Variants in CDH12 observed in about 807,000 individuals in gnomAD.
The protein encoded by CDH12 is cadherin-12.
Under a neutral mutation model 74.1 loss-of-function variants are expected in CDH12, and 41 were observed. The ratio of observed to expected loss-of-function variants is 0.55; its 90% CI spans 0.43 to 0.72. The LOEUF (loss-of-function observed/expected upper bound fraction) is 0.72. Among genes scored for constraint, CDH12 ranks in the 30% least tolerant of loss-of-function variants. The pLI, the probability that CDH12 is intolerant of heterozygous loss-of-function variation, is 0.00. For missense variants in CDH12, 945 were observed against 977.2 expected (o/e 0.97, Z 0.44); for synonymous variants, 399 against 355.0 (o/e 1.12, Z -1.39).
Position 22,009,939 on chromosome 5 carries a change from C to CAAAAA in CDH12, c.232-34559_232-34555dup, listed in dbSNP as rs774589642. Among the ~76,000 whole-genome samples the CAAAAA allele has an allele frequency of 5.5e-3, 298 of 54,288 alleles. 2 individuals carry two copies. Among genetic ancestry groups the CAAAAA allele is most frequent in the African/African-American group, 0.015 (263 of 17,806 alleles). The allele number at this position is 54,288 out of a possible 152,430, so 35.6% of individuals were successfully genotyped here. On this transcript the variant is annotated intron_variant, in intron 5 of 14. Transcript: ENST00000382254. The stretch of plus-strand genomic sequence containing the variant: ...GTTGCAGTGAGCCAAGAAACTGTCT[C>CAAAAA]AAAAAAAAAAAAAAAAAAAAGAAAA...
chr5:21,785,462 C>G (rs1025348805), intron 10 of CDH12, among the ~76,000 whole-genome samples: 2 of 152,188 alleles, frequency 1.3e-5, no homozygotes, highest in South Asian at 2.1e-4. Flanking sequence ...AGCTAGGCCT[C>G]TCATGCCAAA....
At chr5:22,705,836 T>C (rs1051961353) in intron 1 of CDH12, among the ~76,000 whole-genome samples, 7 of 152,092 alleles carry the variant, frequency 4.6e-5, no homozygotes, top group African/African-American at 9.6e-5. Flanking sequence ...CTAAAAATGA[T>C]GATGATTTCT....
Position 22,563,425 on chromosome 5 carries a change from A to G in CDH12, c.-522-58061T>C, listed in dbSNP as rs1174634857. 3.3e-5 allele frequency among the ~76,000 whole-genome samples: 5 copies of G among 152,046 alleles called. 1 individual carries two copies. The highest frequency in any genetic ancestry group is 4.1e-4 in the South Asian group (2 of 4,820). On this transcript the variant is annotated intron_variant, in intron 1 of 14. Transcript: ENST00000382254. Reference sequence around the variant, plus strand: ...CTTTTTTGCCCATTTTAAAAATCCAATTGTATTTTTCCTATTGAGTTGTTT... The same window carrying G: ...CTTTTTTGCCCATTTTAAAAATCCAGTTGTATTTTTCCTATTGAGTTGTTT...
chr5:22,243,536 G>A (rs1350962974), intron 3 of CDH12, among the ~76,000 whole-genome samples: 2 of 152,050 alleles, frequency 1.3e-5, no homozygotes, highest in Non-Finnish European at 2.9e-5. Flanking sequence ...AACAAAAAAA[G>A]GTATGCGGAA....
chr5:22,583,303 A>G (rs1411133429), intron 1 of CDH12, among the ~76,000 whole-genome samples: 2 of 152,210 alleles, frequency 1.3e-5, no homozygotes, highest in African/African-American at 2.4e-5. Flanking sequence ...AAAATAACAA[A>G]CACAAAATGA....
chr5:21,981,937 G>A (rs1196920852), intron 5 of CDH12, among the ~76,000 whole-genome samples: 1 of 152,142 alleles, frequency 6.6e-6, no homozygotes, highest in African/African-American at 2.4e-5. Context: ...GCCTCTGAAT[G>A]TGCTGGGATT....
intron 1 of CDH12, among the ~76,000 whole-genome samples, chr5:22,769,249 C>G (rs1416003960): frequency 6.6e-6 from 1 of 152,108 alleles, no homozygotes; most frequent in Non-Finnish European, 1.5e-5. Context: ...TGGGTGGGCA[C>G]CATCCAATCA....
intron 1 of CDH12, among the ~76,000 whole-genome samples, chr5:22,624,905 C>G (rs1738199969): frequency 6.6e-6 from 1 of 152,116 alleles, no homozygotes. Flanking sequence ...GACTTGGAAC[C>G]AACCCAAATG....
chr5:22,049,613 C>T (rs1740210313), intron 5 of CDH12, among the ~76,000 whole-genome samples: 1 of 152,054 alleles, frequency 6.6e-6, no homozygotes, highest in African/African-American at 2.4e-5. Flanking sequence ...TTACTCTTAT[C>T]ATTTCTTTCA....
rs1255854823 is a variant in CDH12, at chr5:22,592,653, T to A, written c.-522-87289A>T. 3.3e-5 allele frequency among the ~76,000 whole-genome samples: 5 copies of A among 152,002 alleles called. No individual in the cohort carries two copies. The East Asian group carries it at 9.7e-4, about 29-fold the overall frequency. ...AAAAAGACAATTCACCTTTATTGCT[T>A]CATTTTTAAACAGCTCTCCCCCTCC... On this transcript the variant is annotated intron_variant, in intron 1 of 14. Coordinates refer to ENST00000382254, the MANE Select transcript of CDH12 (RefSeq NM_004061.5).
In CDH12 at chr5:22,804,400, TG is replaced by T. The variant is rs768305130; in HGVS notation, c.-523+48657del. ...ATTCTGCCTGTGAGAGAGAGAAGGA[TG>T]GGGGGGAGATTTTATGGAATTGGCT... On this transcript the variant is annotated intron_variant, in intron 1 of 14. Coordinates refer to ENST00000382254, the MANE Select transcript of CDH12 (RefSeq NM_004061.5). 2.0e-5 allele frequency among the ~76,000 whole-genome samples: 3 copies of T among 151,758 alleles called. No individual in the cohort carries two copies. The East Asian group carries it at 5.8e-4, about 30-fold the overall frequency.
intron 1 of CDH12, among the ~76,000 whole-genome samples, chr5:22,664,296 A>T (rs1561561403): frequency 6.6e-6 from 1 of 152,184 alleles, no homozygotes; most frequent in East Asian, 1.9e-4. Flanking sequence ...GGTTTAAATG[A>T]CTCACATTCA....
At chr5:22,392,506 T>C (rs1261914545) in intron 3 of CDH12, among the ~76,000 whole-genome samples, 3 of 152,204 alleles carry the variant, frequency 2.0e-5, no homozygotes, top group African/African-American at 7.2e-5. Context: ...GTTAAATTAA[T>C]ATTATTAACA....
intron 4 of CDH12, among the ~76,000 whole-genome samples, chr5:22,173,109 C>A (rs1397968771): frequency 6.6e-6 from 1 of 151,346 alleles, no homozygotes; most frequent in East Asian, 1.9e-4. Context: ...CTCCGTAATA[C>A]ATCATTTACA....
intron 5 of CDH12, among the ~76,000 whole-genome samples, chr5:21,984,346 A>C (rs1384585930): frequency 2.0e-5 from 3 of 152,180 alleles, no homozygotes; most frequent in Non-Finnish European, 4.4e-5. Context: ...ATTAATGCCT[A>C]TATTTTATGC....
At chr5:21,859,020 T>C (rs1298334242) in intron 6 of CDH12, among the ~76,000 whole-genome samples, 1 of 151,952 alleles carries the variant, frequency 6.6e-6, no homozygotes, top group Non-Finnish European at 1.5e-5. Flanking sequence ...TTTTCAAGAA[T>C]ACAATATATT....
chr5:22,196,303 T>C (rs902784405), intron 4 of CDH12, among the ~76,000 whole-genome samples: 3 of 151,768 alleles, frequency 2.0e-5, no homozygotes, highest in African/African-American at 7.3e-5. Flanking sequence ...CACTACCCCA[T>C]CCAGCTAATG....
intron 1 of CDH12, among the ~76,000 whole-genome samples, chr5:22,661,976 T>C (rs1039323942): frequency 8.3e-6 from 1 of 120,494 alleles, no homozygotes. Context: ...TAATTCTTTG[T>C]TTCTTTGTTT....
intron 1 of CDH12, among the ~76,000 whole-genome samples, chr5:22,623,391 G>A (rs1009912374): frequency 2.0e-5 from 3 of 152,118 alleles, no homozygotes; most frequent in Non-Finnish European, 2.9e-5. Flanking sequence ...TTTGCAGATG[G>A]TATGATTGTA....
Sources: allele counts gnomAD v4.1 joint callset (sites outside exome capture counted in the v4.1 genomes callset), GRCh38; gene constraint gnomAD v4.1.1; transcripts MANE v1.5; gene names NCBI Gene and HGNC (gene_info 2026-07-23, HGNC 2026-07-21).